The following PARG variants were observed in gnomAD, a reference collection of about 807,000 sequenced individuals.
PARG encodes mitochondrial poly(ADP-ribose) glycohydrolase.
Under a neutral mutation model 113.0 loss-of-function variants are expected in PARG, and 35 were observed. That is an observed-to-expected ratio of 0.31 (90% CI 0.24 to 0.41). The LOEUF is 0.41. Ranked by LOEUF, PARG falls within the 10% of genes least tolerant of loss-of-function variation. The pLI is 1.00. For missense variants in PARG, 797 were observed against 1,169.4 expected, an observed-to-expected ratio of 0.68 and a Z score of 4.64; for synonymous variants, 330 against 409.9, an observed-to-expected ratio of 0.81 and a Z score of 2.36.
chr10:49,924,848 T>C (rs1554850231), intron 4 of PARG, among the ~76,000 whole-genome samples: 1 of 152,212 alleles, frequency 6.6e-6, no homozygotes, highest in Non-Finnish European at 1.5e-5. Flanking sequence ...CTGTGTCTTG[T>C]GGGTAAAATC....
At position 49,897,799 on chromosome 10, in the gene PARG, A is replaced by C. The variant is rs184912165; in HGVS notation, c.1738-12504T>G. On this transcript the variant is annotated intron_variant, in intron 7 of 17. Coordinates refer to ENST00000616448, the MANE Select transcript of PARG (RefSeq NM_003631.5). ...AAAGCAGGTGGATCACTTGAGGTCA[A>C]GAGTTCAAGACCAGCCTGGCCATCT... Among the ~76,000 whole-genome samples the C allele has an allele frequency of 4.0e-3, 613 of 152,268 alleles. 3 individuals are homozygous for C. Among genetic ancestry groups the C allele is most frequent in the African/African-American group, 0.014 (596 of 41,562 alleles).
At chr10:49,848,103 C>T (rs1328418412) in intron 13 of PARG, among the ~76,000 whole-genome samples, 5 of 151,778 alleles carry the variant, frequency 3.3e-5, no homozygotes, top group South Asian at 2.1e-4. Flanking sequence ...GTAATCCCAG[C>T]GCTTTGGGAG....
chr10:49,869,419 T>C, intron 10 of PARG, 57 bp downstream of exon 10: 1 of 687,322 alleles, frequency 1.5e-6, no homozygotes. Context: ...ACATGTCACT[T>C]GACTTGAACT....
chr10:49,933,995 A>C lies in PARG; in HGVS notation c.453T>G (p.Thr151=). 3 of 1,607,400 alleles carry C rather than the reference A, an allele frequency of 1.9e-6. No homozygotes were observed. The highest frequency in any genetic ancestry group is 1.7e-6 in the Non-Finnish European group (2 of 1,173,882). Reference sequence around the variant, plus strand: ...CATTTTGCCACTTACACATTGCTGCAGTCTGATGCTGGTTCAAATACTGTG... The same window carrying C: ...CATTTTGCCACTTACACATTGCTGCCGTCTGATGCTGGTTCAAATACTGTG... ...KSTQYLNQHQ[T]AAMCKWQNEG... Residue 151 remains threonine (T), a synonymous_variant, in exon 3 of 18, where the codon ACT becomes ACG. Transcript: ENST00000616448.
chr10:49,883,175 G>C (rs1847296932), intron 8 of PARG, among the ~76,000 whole-genome samples: 1 of 152,230 alleles, frequency 6.6e-6, no homozygotes, highest in Admixed American at 6.5e-5. Flanking sequence ...CATAGTCCAA[G>C]AAGGCATTTG....
intron 7 of PARG, 95 bp from the exon 8 acceptor site, chr10:49,885,390 C>T (rs1484350658): frequency 2.7e-6 from 2 of 746,770 alleles, no homozygotes; most frequent in South Asian, 1.7e-5. Flanking sequence ...TACATATCTG[C>T]TTTTCATGGA....
chr10:49,824,416 A>T (rs190992963), intron 16 of PARG, among the ~76,000 whole-genome samples: 15 of 152,368 alleles, frequency 9.8e-5, no homozygotes, highest in Admixed American at 9.1e-4. Context: ...AGTATGATAT[A>T]AAAACATCGA....
intron 13 of PARG, among the ~76,000 whole-genome samples, chr10:49,848,125 C>T (rs1162126977): frequency 2.0e-5 from 3 of 150,376 alleles, no homozygotes; most frequent in African/African-American, 4.9e-5. Context: ...TCGAGGCGGG[C>T]GGATCACAAG....
chr10:49,888,218 T>C (rs1317690617), intron 7 of PARG, among the ~76,000 whole-genome samples: 1 of 151,996 alleles, frequency 6.6e-6, no homozygotes, highest in Non-Finnish European at 1.5e-5. Flanking sequence ...ACTATACTAT[T>C]TTACAATATT....
intron 7 of PARG, among the ~76,000 whole-genome samples, chr10:49,897,400 C>A (rs1302410210): frequency 1.3e-5 from 2 of 152,204 alleles, no homozygotes; most frequent in Non-Finnish European, 2.9e-5. Context: ...GAAGCCTTCA[C>A]TGATTGCCTG....
intron 12 of PARG, among the ~76,000 whole-genome samples, chr10:49,858,926 T>TGTA (rs1269313254): frequency 3.3e-5 from 5 of 152,262 alleles, no homozygotes; most frequent in African/African-American, 4.8e-5. Context: ...GAATAAGGTA[T>TGTA]GTATGGTTCC....
intron 13 of PARG, among the ~76,000 whole-genome samples, chr10:49,856,359 T>C (rs1291531059): frequency 5.9e-5 from 9 of 151,540 alleles, no homozygotes; most frequent in African/African-American, 2.2e-4. Flanking sequence ...TTTGTATTTT[T>C]AGTAGAGACG....
chr10:49,924,845 T>C (rs1248033448), intron 4 of PARG, among the ~76,000 whole-genome samples: 5 of 152,200 alleles, frequency 3.3e-5, no homozygotes, highest in African/African-American at 1.2e-4. Context: ...AAACTGTGTC[T>C]TGTGGGTAAA....
chr10:49,846,114 T>G (rs2132467943), intron 13 of PARG, among the ~76,000 whole-genome samples: 1 of 150,198 alleles, frequency 6.7e-6, no homozygotes, highest in African/African-American at 2.4e-5. Context: ...TAACAAAACA[T>G]TTGCCACGAT....
chr10:49,890,285 TTTTA>T (rs1186083016), intron 7 of PARG, among the ~76,000 whole-genome samples: 4 of 152,194 alleles, frequency 2.6e-5, no homozygotes, highest in Non-Finnish European at 4.4e-5. Context: ...TGTAGCAACT[TTTTA>T]TTCTAGTCCC....
In PARG at chr10:49,915,939, G is replaced by C; in HGVS notation, c.1715C>G (p.Ala572Gly). Residue 572 changes from alanine to glycine, a missense_variant, in exon 7 of 18, where the codon GCT becomes GGT. By Grantham distance (60) the Ala-to-Gly change is moderately conservative (BLOSUM62 0). Transcript: ENST00000616448. ...VAYSKKWDFT[A>G]LIDFWDKVLE... ...TACCTTATCCCAGAAATCGATCAAA[G>C]CTGTAAAGTCCCATTTCTTAGAATA... 1 of 1,528,706 alleles carries C rather than the reference G, an allele frequency of 6.5e-7. No individual in the cohort carries two copies. Among genetic ancestry groups the C allele is most frequent in the Non-Finnish European group, 8.9e-7 (1 of 1,125,628 alleles). 94.7% of individuals were successfully genotyped at this position (1,528,706 alleles called of 1,614,324 possible).
chr10:49,840,919 G>A (rs1554832132), intron 15 of PARG, among the ~76,000 whole-genome samples: 2 of 152,128 alleles, frequency 1.3e-5, no homozygotes, highest in African/African-American at 4.8e-5. Flanking sequence ...TCAGAATTGG[G>A]TCAGTCTTCT....
At chr10:49,862,768 TAC>T (rs1193497634) in intron 11 of PARG, among the ~76,000 whole-genome samples, 2 of 151,840 alleles carry the variant, frequency 1.3e-5, no homozygotes, top group African/African-American at 4.8e-5. Flanking sequence ...ATCAGTATGC[TAC>T]ACTTTTAGAA....
At chr10:49,896,916 C>T (rs1233766166) in intron 7 of PARG, among the ~76,000 whole-genome samples, 1 of 152,204 alleles carries the variant, frequency 6.6e-6, no homozygotes, top group Non-Finnish European at 1.5e-5. Flanking sequence ...ACAGTGAAAA[C>T]ATCTTGGTCC....
Sources: allele counts gnomAD v4.1 joint callset (sites outside exome capture counted in the v4.1 genomes callset), GRCh38; gene constraint gnomAD v4.1.1; transcripts MANE v1.5; gene names NCBI Gene and HGNC (gene_info 2026-07-23, HGNC 2026-07-21).